The following KCNIP1 variants were observed in gnomAD, a reference collection of about 807,000 sequenced individuals.
KCNIP1 encodes the protein potassium voltage-gated channel interacting protein 1, also known as A-type potassium channel modulatory protein KCNIP1.
A neutral mutation model predicts 33.0 loss-of-function variants in KCNIP1; 18 were observed. The ratio of observed to expected loss-of-function variants is 0.55; its 90% CI spans 0.38 to 0.81. The LOEUF (loss-of-function observed/expected upper bound fraction) is 0.81. KCNIP1 is among the 30% of genes least tolerant of loss of function. The probability of loss-of-function intolerance (pLI) is 0.00; values close to 1 mark genes in which losing one functional copy is unlikely to be tolerated. For missense variants in KCNIP1, 238 were observed against 271.6 expected (o/e 0.88, Z 0.87); for synonymous variants, 93 against 98.3 (o/e 0.95, Z 0.32).
chr5:170,673,130 G>A (rs1385522093), intron 1 of KCNIP1, among the ~76,000 whole-genome samples: 4 of 152,196 alleles, frequency 2.6e-5, no homozygotes, highest in African/African-American at 4.8e-5. Flanking sequence ...AAAAGTGTTC[G>A]ATGAATTCTG....
At chr5:170,419,893 G>C (rs1755435183) in intron 1 of KCNIP1, among the ~76,000 whole-genome samples, 1 of 152,132 alleles carries the variant, frequency 6.6e-6, no homozygotes, top group Non-Finnish European at 1.5e-5. Flanking sequence ...CAAAATAAAT[G>C]ACAGAGCTGC....
intron 1 of KCNIP1, among the ~76,000 whole-genome samples, chr5:170,589,748 G>A (rs948221242): frequency 1.4e-3 from 161 of 115,958 alleles, no homozygotes; most frequent in South Asian, 4.0e-3. Flanking sequence ...GTGTGGTGTG[G>A]TGTGGTGTGG....
At chr5:170,734,045 G>T in intron 7 of KCNIP1, 147 bp downstream of exon 7, 1 of 631,710 alleles carries the variant, frequency 1.6e-6, no homozygotes, top group Non-Finnish European at 2.8e-6. Context: ...CAACTGTGAA[G>T]TCCACAGTTC....
rs137977655 is a variant in KCNIP1 at position 170,632,083 on chromosome 5, G to A, written c.62-86675G>A. ...TCCTCGCCGGCCACAGAGGACCTTC[G>A]TGCCTGTCCTCTGTCCTCCTGCCCA... On this transcript the variant is annotated intron_variant, in intron 1 of 7. Coordinates refer to ENST00000328939, the MANE Select transcript of KCNIP1 (RefSeq NM_014592.4). 7.9e-3 allele frequency among the ~76,000 whole-genome samples: 1,207 copies of A among 152,290 alleles called. 17 individuals carry two copies. The highest frequency in any genetic ancestry group is 0.027 in the African/African-American group (1,106 of 41,556).
At chr5:170,586,101 T>C (rs1416031352) in intron 1 of KCNIP1, among the ~76,000 whole-genome samples, 2 of 152,202 alleles carry the variant, frequency 1.3e-5, no homozygotes, top group Non-Finnish European at 1.5e-5. Flanking sequence ...GGATAATTAA[T>C]ACCCACCCCA....
intron 1 of KCNIP1, among the ~76,000 whole-genome samples, chr5:170,451,569 C>T (rs1756251235): frequency 7.9e-6 from 1 of 127,060 alleles, no homozygotes; most frequent in Non-Finnish European, 1.6e-5. Context: ...TTCCCAGAAA[C>T]CTGAACTTGC....
At chr5:170,677,660 C>T (rs1762195683) in intron 1 of KCNIP1, among the ~76,000 whole-genome samples, 1 of 152,156 alleles carries the variant, frequency 6.6e-6, no homozygotes, top group African/African-American at 2.4e-5. Flanking sequence ...AAACTGGAAT[C>T]CAGTCTTTTA....
chr5:170,504,629 G>A lies in KCNIP1; in HGVS notation c.57G>A (p.Ser19=), dbSNP rs1754634580. ...SSLQTKQRRP[S]KDKIEDELEM... ...TGCAAACCAAACAAAGGCGACCCTC[G>A]AAAGGTAAGCCACCTTCTTCCTTTT... The change falls in exon 1 of 8, where the codon TCG becomes TCA. Residue 19 remains serine, a synonymous_variant. Coordinates refer to ENST00000328939, the MANE Select transcript of KCNIP1 (RefSeq NM_014592.4). The surrounding 1 kb of genome is among the most constrained non-coding windows in gnomAD (Gnocchi z 6.0). 4 of 1,613,330 alleles carry A rather than the reference G, an allele frequency of 2.5e-6. No individual in the cohort carries two copies. The highest frequency in any genetic ancestry group is 3.4e-6 in the Non-Finnish European group (4 of 1,179,522).
At position 170,390,517 on chromosome 5, in the gene KCNIP1, A is replaced by AATATATATATATATATATAT. The variant is rs1554088940; in HGVS notation, c.88+36556_88+36575dup. ...GACCCCGTCTCAAAAAAAAAAAACAAATATATATATATATATATATATTTT... is the reference window on the plus strand; with the variant it reads ...GACCCCGTCTCAAAAAAAAAAAACAAATATATATATATATATATATATATATATATATATATATATATTTT... On this transcript the variant is annotated intron_variant, in intron 1 of 7. Coordinates refer to the KCNIP1 transcript ENST00000377360. Among the ~76,000 whole-genome samples the AATATATATATATATATATAT allele has an allele frequency of 7.5e-4, 56 of 74,436 alleles. 5 individuals carry two copies. The highest frequency in any genetic ancestry group is 2.3e-3 in the African/African-American group (36 of 15,556). The allele number at this position is 74,436 out of a possible 152,430, so 48.8% of individuals were successfully genotyped here.
At chr5:170,556,378 T>C (rs1173537790) in intron 1 of KCNIP1, among the ~76,000 whole-genome samples, 2 of 152,264 alleles carry the variant, frequency 1.3e-5, no homozygotes, top group African/African-American at 4.8e-5. Context: ...AGAATGCATC[T>C]GAGATGCCAG....
chr5:170,361,211 C>A (rs1188126241), intron 1 of KCNIP1, among the ~76,000 whole-genome samples: 1 of 152,168 alleles, frequency 6.6e-6, no homozygotes, highest in Non-Finnish European at 1.5e-5. Flanking sequence ...GGAGGAGGGA[C>A]CCCACTGAAA....
chr5:170,710,355 C>G (rs1561777597), intron 1 of KCNIP1, among the ~76,000 whole-genome samples: 1 of 152,266 alleles, frequency 6.6e-6, no homozygotes, highest in East Asian at 1.9e-4. Flanking sequence ...TATTCTGGTT[C>G]TCTGGTGGAA....
At chr5:170,677,631 T>C (rs369528074) in intron 1 of KCNIP1, among the ~76,000 whole-genome samples, 1 of 152,290 alleles carries the variant, frequency 6.6e-6, no homozygotes, top group African/African-American at 2.4e-5. Flanking sequence ...AGTATTCATT[T>C]GTCAAGATGC....
At chr5:170,469,536 T>A (rs921990223) in intron 1 of KCNIP1, among the ~76,000 whole-genome samples, 6 of 152,220 alleles carry the variant, frequency 3.9e-5, no homozygotes, top group Admixed American at 6.5e-5. Context: ...GTGCCCAAAC[T>A]TCTCTCAAGA....
intron 4 of KCNIP1, among the ~76,000 whole-genome samples, 199 bp from the exon 5 acceptor site, chr5:170,722,514 C>CAA (rs56741677): frequency 2.0e-4 from 30 of 147,762 alleles, no homozygotes; most frequent in South Asian, 1.3e-3. Context: ...GGGCACCTTG[C>CAA]AAAAAAAAAC....
chr5:170,577,988 G>C (rs1387729441), intron 1 of KCNIP1, among the ~76,000 whole-genome samples: 3 of 152,138 alleles, frequency 2.0e-5, no homozygotes, highest in Non-Finnish European at 4.4e-5. Context: ...GAACAACTTT[G>C]AACTACCCTG....
At chr5:170,637,904 G>T (rs1473090851) in intron 1 of KCNIP1, among the ~76,000 whole-genome samples, 1 of 151,944 alleles carries the variant, frequency 6.6e-6, no homozygotes, top group Non-Finnish European at 1.5e-5. Flanking sequence ...GCATGCAGTC[G>T]ATATTTGCTG....
intron 1 of KCNIP1, among the ~76,000 whole-genome samples, chr5:170,548,304 T>C (rs1740483500): frequency 6.6e-6 from 1 of 152,248 alleles, no homozygotes; most frequent in Admixed American, 6.5e-5. Flanking sequence ...GAAGCTTTAA[T>C]AATCAGATTC....
chr5:170,412,352 G>C (rs1755217610), intron 1 of KCNIP1, among the ~76,000 whole-genome samples: 1 of 152,210 alleles, frequency 6.6e-6, no homozygotes, highest in African/African-American at 2.4e-5. Context: ...CCTTGAATGT[G>C]AGTCCAACAT....
Sources: gnomAD v4.1 joint callset for allele counts (sites outside exome capture counted in the v4.1 genomes callset) on GRCh38, gnomAD v4.1.1 for gene constraint, Gnocchi (gnomAD v3.1) non-coding constraint, MANE v1.5 for transcripts, NCBI Gene and HGNC (gene_info 2026-07-23, HGNC 2026-07-21) for gene names.